Variants in STRA6 observed in about 807,000 individuals in gnomAD.
STRA6 encodes the protein signaling receptor and transporter of retinol STRA6.
Under a neutral mutation model 83.6 loss-of-function variants are expected in STRA6, and 48 were observed. The ratio of observed to expected loss-of-function variants is 0.57; its 90% CI spans 0.46 to 0.73. The LOEUF is 0.73. STRA6 is among the 30% of genes least tolerant of loss of function. The pLI, the probability that STRA6 is intolerant of heterozygous loss-of-function variation, is 0.00. For synonymous variants in STRA6, 353 were observed against 362.3 expected (o/e 0.97, Z 0.29); for missense variants, 760 against 838.8 (o/e 0.91, Z 1.16).
At position 74,180,929 on chromosome 15, in the gene STRA6, T is replaced by C. The variant is rs548988185; in HGVS notation, c.1693A>G (p.Thr565Ala). 62 of 1,613,604 alleles carry C rather than the reference T, an allele frequency of 3.8e-5. No individual in the cohort carries two copies. In the Middle Eastern group the frequency reaches 9.9e-4, roughly 26 times the overall value. Residue 565 changes from threonine (T) to alanine (A), a missense_variant, in exon 18 of 19, where the codon ACG becomes GCG. By Grantham distance (58) the Thr-to-Ala change is moderately conservative. Coordinates refer to ENST00000395105, the MANE Select transcript of STRA6 (RefSeq NM_022369.4). Reference sequence around the variant, plus strand: ...TCAATCTTCAAGAAGTTTCGGTACGTGTAGTAGCCTGGGGTGGGGTGGCGG... The same window carrying C: ...TCAATCTTCAAGAAGTTTCGGTACGCGTAGTAGCCTGGGGTGGGGTGGCGG... ...RAATLDPGYY[T>A]YRNFLKIEVS...
chr15:74,207,631 C>T (rs1412505961), upstream of STRA6: 11 of 1,443,834 alleles, frequency 7.6e-6, no homozygotes, highest in Non-Finnish European at 1.0e-5. Context: ...CCCCCAACTT[C>T]GATAGCACGG....
rs1595856274 is a variant in STRA6 at position 74,197,339 on chromosome 15, T to C, written c.265A>G (p.Ser89Gly). The C allele has an allele frequency of 1.3e-6, 2 of 1,549,426 alleles. No individual in the cohort carries two copies. Among genetic ancestry groups the C allele is most frequent in the South Asian group, 1.2e-5 (1 of 84,026 alleles). ...GGGTGCCCAGGCCATGGTACAAACCTGGGCAGGCCGGGCCTGCCACGCACA... is the reference window on the plus strand; with the variant it reads ...GGGTGCCCAGGCCATGGTACAAACCCGGGCAGGCCGGGCCTGCCACGCACA... ...DCVRGRPGLP[S>G]PVDFLAGDRP... is the part of the protein sequence containing the mutation. The change falls in exon 4 of 19, where the codon AGC (serine) becomes GGC (glycine). Residue 89 changes from serine to glycine, a missense_variant and splice_region_variant. Ser to Gly is a moderately conservative substitution (Grantham distance 56, BLOSUM62 0). Transcript: ENST00000395105.
At chr15:74,191,815 T>C (rs2073555473) in intron 8 of STRA6, 4 of 443,964 alleles carry the variant, frequency 9.0e-6, no homozygotes, top group South Asian at 8.6e-5. Flanking sequence ...CCCCTAGCCC[T>C]CTGGCCTCTG....
intron 4 of STRA6, 83 bp from the exon 5 acceptor site, chr15:74,196,230 A>C: frequency 6.4e-7 from 1 of 1,572,302 alleles, no homozygotes; most frequent in East Asian, 2.3e-5. Flanking sequence ...TCCATAAATC[A>C]AGGAGGTGGA....
chr15:74,182,120 G>A, intron 16 of STRA6, 41 bp downstream of exon 16: 1 of 1,546,936 alleles, frequency 6.5e-7, no homozygotes, highest in African/African-American at 1.4e-5. Flanking sequence ...CGAAGAAGAG[G>A]CGAGGGCCTG....
chr15:74,207,254 C>G (rs1422470929), upstream of STRA6, among the ~76,000 whole-genome samples: 1 of 152,190 alleles, frequency 6.6e-6, no homozygotes, highest in Non-Finnish European at 1.5e-5. Context: ...GGAAGGCCAG[C>G]AGCATCCCCA....
In STRA6 at chr15:74,181,315, C is replaced by G; in HGVS notation, c.1664G>C (p.Arg555Thr). 1 of 1,611,962 alleles carries G rather than the reference C, an allele frequency of 6.2e-7. No homozygotes were observed. Among genetic ancestry groups the G allele is most frequent in the Non-Finnish European group, 8.5e-7 (1 of 1,179,532 alleles). The change falls in exon 17 of 19, where the codon AGA (arginine) becomes ACA (threonine). Residue 555 changes from arginine to threonine, a missense_variant. Coordinates refer to ENST00000395105, the MANE Select transcript of STRA6 (RefSeq NM_022369.4). The stretch of plus-strand genomic sequence containing the variant: ...CTTACCGGGGTCGAGAGTGGCGGCT[C>G]TCGGTGGCAGCAGGCTGAGGTCCAT... ...GQMDLSLLPP[R>T]AATLDPGYYT...
At chr15:74,203,835 A>G (rs1595866807), upstream of STRA6, among the ~76,000 whole-genome samples, 3 of 152,202 alleles carry the variant, frequency 2.0e-5, no homozygotes, top group Admixed American at 2.0e-4. Flanking sequence ...TTCCTGAAGA[A>G]AAGAACCTTT....
chr15:74,190,986 G>A, intron 10 of STRA6, 85 bp from the exon 11 acceptor site: 1 of 1,597,732 alleles, frequency 6.3e-7, no homozygotes, highest in Non-Finnish European at 8.5e-7. Flanking sequence ...CCAGGAAAAG[G>A]GCCAGCAGGA....
chr15:74,210,218 C>A (rs1469995886), upstream of STRA6, among the ~76,000 whole-genome samples: 1 of 152,194 alleles, frequency 6.6e-6, no homozygotes, highest in Admixed American at 6.5e-5. Context: ...CCAAGGAATG[C>A]CTGCATGCAT....
intron 2 of STRA6, among the ~76,000 whole-genome samples, chr15:74,198,622 G>A (rs2073928123): frequency 6.6e-6 from 1 of 152,136 alleles, no homozygotes; most frequent in Admixed American, 6.5e-5. Flanking sequence ...GATCTCCCCT[G>A]GTCCCTCTCT....
rs1404082315 is a variant in STRA6, at chr15:74,179,657, G to A, written c.*423C>T. Reference sequence around the variant, plus strand: ...CCGGCCACTCCCCAGAGAGGTCCGTGGCGCTGAGGGGGTGAGGAAGTGCCT... The same window carrying A: ...CCGGCCACTCCCCAGAGAGGTCCGTAGCGCTGAGGGGGTGAGGAAGTGCCT... On this transcript the variant is annotated 3_prime_UTR_variant, in exon 19 of 19. Transcript: ENST00000395105. 5.7e-6 allele frequency: 1 copy of A among 176,892 alleles called. No individual in the cohort carries two copies. Among genetic ancestry groups the A allele is most frequent in the Non-Finnish European group, 1.2e-5 (1 of 82,800 alleles). The allele number at this position is 176,892 out of a possible 1,614,324, so 11.0% of individuals were successfully genotyped here.
rs1163568443 is a variant in STRA6 at position 74,182,373 on chromosome 15, AG to A, written c.1387del (p.Leu463SerfsTer15). On this transcript the variant is annotated frameshift_variant, in exon 15 of 19. Coordinates refer to ENST00000395105, the MANE Select transcript of STRA6 (RefSeq NM_022369.4). LOFTEE classifies it high-confidence loss of function. ...VLMPVLHGRN[L>X]LLFRSLESSW... is the part of the protein sequence containing the mutation. The stretch of plus-strand genomic sequence containing the variant: ...GGACTCCAGGGAACGGAAGAGCAGG[AG>A]GTTCCTGCCATGGAGCACAGGCATG... The A allele has an allele frequency of 1.9e-6, 3 of 1,613,896 alleles. No individual in the cohort carries two copies. In the African/African-American group the frequency reaches 4.0e-5, roughly 22 times the overall value.
At chr15:74,183,529 C>A (rs1243385834) in intron 14 of STRA6, 1 of 1,199,432 alleles carries the variant, frequency 8.3e-7, no homozygotes, top group Non-Finnish European at 1.1e-6. Flanking sequence ...CAGGTGTGAG[C>A]CACTGAGCCC....
At chr15:74,201,270 A>C (rs2074046933) in intron 2 of STRA6, among the ~76,000 whole-genome samples, 1 of 152,186 alleles carries the variant, frequency 6.6e-6, no homozygotes, top group African/African-American at 2.4e-5. Context: ...TCAGGTTTTG[A>C]TGGAGAACAG....
At chr15:74,181,566 C>T (rs1567177770) in intron 16 of STRA6, 108 bp from the exon 17 acceptor site, 2 of 1,426,808 alleles carry the variant, frequency 1.4e-6, no homozygotes, top group Non-Finnish European at 1.9e-6. Flanking sequence ...TGAGTGCCTA[C>T]CATTTATTGC....
At chr15:74,194,993 T>A (rs751323033) in intron 7 of STRA6, 34 of 1,431,738 alleles carry the variant, frequency 2.4e-5, no homozygotes, top group Non-Finnish European at 3.0e-5. Context: ...AGCTGGGGGA[T>A]CACTAACACA....
At position 74,195,484 on chromosome 15, in the gene STRA6, A is replaced by G. The variant is rs201187555; in HGVS notation, c.431-16T>C. 1.6e-3 allele frequency: 2,623 copies of G among 1,612,134 alleles called. 9 individuals are homozygous for G. The highest frequency in any genetic ancestry group is 2.0e-3 in the Non-Finnish European group (2,383 of 1,179,502). On this transcript the variant is annotated splice_polypyrimidine_tract_variant and intron_variant, in intron 6 of 18. Coordinates refer to ENST00000395105, the MANE Select transcript of STRA6 (RefSeq NM_022369.4). ...TTCCAGGCCCCTGGAAGGTGAAACA[A>G]GCAGAGAGACCCATGCTGGAGGGGC...
At position 74,191,486 on chromosome 15, in the gene STRA6, C is replaced by A. The variant is rs778174510; in HGVS notation, c.726G>T (p.Leu242=). 1 of 1,613,896 alleles carries A rather than the reference C, an allele frequency of 6.2e-7. No homozygotes were observed. Among genetic ancestry groups the A allele is most frequent in the South Asian group, 1.1e-5 (1 of 91,088 alleles). The change falls in exon 9 of 19, where the codon CTG becomes CTT. Residue 242 remains leucine, a synonymous_variant. Transcript: ENST00000395105. ...GATATTCCTCAGAGTAGCTGCTCTG[C>A]AGCCCCTGTGGAGACAGACAATTGA... ...SRRTGAGSKG[L]QSSYSEEYLR...
Sources: allele counts gnomAD v4.1 joint callset (sites outside exome capture counted in the v4.1 genomes callset), GRCh38; gene constraint gnomAD v4.1.1; transcripts MANE v1.5; gene names NCBI Gene and HGNC (gene_info 2026-07-23, HGNC 2026-07-21).